The following PLIN1 variants were observed in gnomAD, a reference collection of about 807,000 sequenced individuals.
The protein encoded by PLIN1 is perilipin 1.
Under a neutral mutation model 45.8 loss-of-function variants are expected in PLIN1, and 37 were observed. That is an observed-to-expected ratio of 0.81 (90% CI 0.62 to 1.06). PLIN1 has a LOEUF of 1.06. Ranked by LOEUF, PLIN1 falls within the 50% of genes least tolerant of loss-of-function variation. The pLI, the probability that PLIN1 is intolerant of heterozygous loss-of-function variation, is 0.00. For synonymous variants in PLIN1, 340 were observed against 309.2 expected (o/e 1.10, Z -1.05); for missense variants, 776 against 716.5 (o/e 1.08, Z -0.95).
In PLIN1 at chr15:89,667,607, T is replaced by C. The variant is rs993085797; in HGVS notation, c.958A>G (p.Ser320Gly). Reference sequence around the variant, plus strand: ...GCTCCCACTCTCCCCCTCACCTCACTGAACTTGTTCTCCTCAGTCTCCAAT... The same window carrying C: ...GCTCCCACTCTCCCCCTCACCTCACCGAACTTGTTCTCCTCAGTCTCCAAT... ...EELETEENKF[S>G]EVAALPGPRG... The change falls in exon 7 of 9, where the codon AGT (serine) becomes GGT (glycine). Residue 320 changes from serine (S) to glycine (G), a missense_variant. Transcript: ENST00000300055. 2 of 1,614,036 alleles carry C rather than the reference T, an allele frequency of 1.2e-6. No homozygotes were observed. Among genetic ancestry groups the C allele is most frequent in the Admixed American group, 3.3e-5 (2 of 60,008 alleles).
At chr15:89,667,444 T>TC (rs1381351557) in intron 7 of PLIN1, among the ~76,000 whole-genome samples, 158 bp downstream of exon 7, 1 of 152,216 alleles carries the variant, frequency 6.6e-6, no homozygotes, top group Non-Finnish European at 1.5e-5. Flanking sequence ...GACATGGAAG[T>TC]CCCTCGCCAG....
At chr15:89,666,059 A>G in intron 8 of PLIN1, 117 bp from the exon 9 acceptor site, 1 of 750,794 alleles carries the variant, frequency 1.3e-6, no homozygotes, top group Non-Finnish European at 1.9e-6. Context: ...TCAGGAGGAC[A>G]CAGGCTGGGG....
At chr15:89,671,348 C>T (rs561384936) in intron 4 of PLIN1, 134 bp downstream of exon 4, 1 of 681,598 alleles carries the variant, frequency 1.5e-6, no homozygotes, top group Non-Finnish European at 2.6e-6. Flanking sequence ...AGCAGGCACT[C>T]TCCGCCAGCC....
chr15:89,667,942 A>C, intron 6 of PLIN1, 149 bp from the exon 7 acceptor site: 1 of 1,093,682 alleles, frequency 9.1e-7, no homozygotes, highest in Non-Finnish European at 1.2e-6. Context: ...CTTTTTATTG[A>C]GTTGGTAATC....
rs1046130826 is a variant in PLIN1, at chr15:89,670,250, G to A, written c.334-6C>T. On this transcript the variant is annotated splice_polypyrimidine_tract_variant and splice_region_variant and intron_variant, in intron 4 of 8. Coordinates refer to ENST00000300055, the MANE Select transcript of PLIN1 (RefSeq NM_002666.5). ...TCCTTCAGCTCAGAAGCAATCTGGG[G>A]GAAGTTGGTGGGGGTGTTAGGCATG... 3 of 1,608,924 alleles carry A rather than the reference G, an allele frequency of 1.9e-6. No homozygotes were observed. The highest frequency in any genetic ancestry group is 2.6e-6 in the Non-Finnish European group (3 of 1,176,436).
chr15:89,669,681 G>A lies in PLIN1; in HGVS notation c.599-9C>T. ...GTGTCCAGGAGCAGGGGCTGGGTAG[G>A]GATTTGGGGGGAAAGAAGAGAAAAC... is the stretch of plus-strand genomic sequence containing the variant. On this transcript the variant is annotated splice_polypyrimidine_tract_variant and intron_variant, in intron 5 of 8. Transcript: ENST00000300055. 6.2e-7 allele frequency: 1 copy of A among 1,613,456 alleles called. No individual in the cohort carries two copies. The highest frequency in any genetic ancestry group is 8.5e-7 in the Non-Finnish European group (1 of 1,179,720).
At chr15:89,671,612 G>T in intron 3 of PLIN1, 48 bp from the exon 4 acceptor site, 1 of 1,319,362 alleles carries the variant, frequency 7.6e-7, no homozygotes, top group Non-Finnish European at 1.1e-6. Context: ...CTCCCCATGA[G>T]AATCTAGCAG....
At position 89,669,529 on chromosome 15, in the gene PLIN1, C is replaced by T. The variant is rs1246272333; in HGVS notation, c.742G>A (p.Ala248Thr). 1 of 1,613,314 alleles carries T rather than the reference C, an allele frequency of 6.2e-7. No individual in the cohort carries two copies. The highest frequency in any genetic ancestry group is 1.3e-5 in the African/African-American group (1 of 74,922). Residue 248 changes from alanine to threonine, a missense_variant, in exon 6 of 9, where the codon GCC (alanine) becomes ACC (threonine). Transcript: ENST00000300055. The stretch of plus-strand genomic sequence containing the variant: ...GGCACCACGCCTGGGATCCACATGG[C>T]CACGGTGTGGCCCTGCTCCAGGGCC... ...ARALEQGHTV[A>T]MWIPGVVPLS...
intron 3 of PLIN1, among the ~76,000 whole-genome samples, 183 bp from the exon 4 acceptor site, chr15:89,671,747 CG>C (rs1379186591): frequency 1.3e-5 from 2 of 152,124 alleles, no homozygotes; most frequent in African/African-American, 4.8e-5. Flanking sequence ...CCTCAAGACC[CG>C]GGCCAGTTTC....
chr15:89,665,545 A>G lies in PLIN1; in HGVS notation c.*38T>C, dbSNP rs561239012. 54 of 1,518,988 alleles carry G rather than the reference A, an allele frequency of 3.6e-5. No homozygotes were observed. The highest frequency in any genetic ancestry group is 4.7e-5 in the Non-Finnish European group (53 of 1,135,582). The allele number at this position is 1,518,988 out of a possible 1,614,324, so 94.1% of individuals were successfully genotyped here. A position where few individuals can be genotyped will look rare whatever the true frequency, so the allele number is the denominator to read the frequency against. On this transcript the variant is annotated 3_prime_UTR_variant, in exon 9 of 9. Transcript: ENST00000300055. ...GCGGGTTCTGTTTATTTGTTAGAGA[A>G]ACCCGCCGGCCCGGGGCGCGGCGGC...
chr15:89,673,622 C>T (rs1964474335), intron 2 of PLIN1, among the ~76,000 whole-genome samples: 1 of 152,184 alleles, frequency 6.6e-6, no homozygotes, highest in Non-Finnish European at 1.5e-5. Flanking sequence ...GCCATGTCCT[C>T]CTGGTCACCA....
At chr15:89,678,165 T>C (rs1964547555) in intron 1 of PLIN1, among the ~76,000 whole-genome samples, 1 of 151,806 alleles carries the variant, frequency 6.6e-6, no homozygotes, top group African/African-American at 2.4e-5. Context: ...AGTGCTGTGA[T>C]TACAGGCAAG....
rs1964351738 is a variant in PLIN1 at position 89,666,953 on chromosome 15, C to G, written c.1192G>C (p.Val398Leu). 6.2e-7 allele frequency: 1 copy of G among 1,613,952 alleles called. No individual in the cohort carries two copies. Among genetic ancestry groups the G allele is most frequent in the East Asian group, 2.2e-5 (1 of 44,886 alleles). The stretch of plus-strand genomic sequence containing the variant: ...GTACTCACCGGCACGTAATGCACCA[C>G]TGTGTCCACCACGTTGTCAGTAACG... ...KGVTDNVVDT[V>L]VHYVPLPRLS... is the part of the protein sequence containing the mutation. The change falls in exon 8 of 9, where the codon GTG becomes CTG. Residue 398 changes from valine to leucine, a missense_variant. Transcript: ENST00000300055.
chr15:89,679,009 C>A (rs554185390), intron 1 of PLIN1, among the ~76,000 whole-genome samples: 1 of 152,052 alleles, frequency 6.6e-6, no homozygotes, highest in East Asian at 1.9e-4. Flanking sequence ...CAATGCAGGG[C>A]TAATTTTTTC....
rs1964314631 is a variant in PLIN1 at position 89,665,404 on chromosome 15, C to CTAAAAAAAAAA, written c.*168_*178dup. 1 of 446,580 alleles carries CTAAAAAAAAAA rather than the reference C, an allele frequency of 2.2e-6. No individual in the cohort carries two copies. Among genetic ancestry groups the CTAAAAAAAAAA allele is most frequent in the Non-Finnish European group, 3.7e-6 (1 of 268,906 alleles). 27.7% of individuals were successfully genotyped at this position (446,580 alleles called of 1,614,324 possible). Reference sequence around the variant, plus strand: ...CTGAGAGTGAAGCCCCAAAAGGATGCTAAAAAAAAAATAAAAATAAAATAA... The same window carrying CTAAAAAAAAAA: ...CTGAGAGTGAAGCCCCAAAAGGATGCTAAAAAAAAAATAAAAAAAAAATAAAAATAAAATAA... On this transcript the variant is annotated 3_prime_UTR_variant, in exon 9 of 9. Transcript: ENST00000300055.
intron 6 of PLIN1, among the ~76,000 whole-genome samples, chr15:89,668,377 A>G (rs1457158690): frequency 6.6e-6 from 1 of 152,144 alleles, no homozygotes; most frequent in East Asian, 1.9e-4. Flanking sequence ...TGCTGATCTG[A>G]GCATTTTTCA....
rs1385234379 is a variant in PLIN1, at chr15:89,665,821, T to G, written c.1331A>C (p.Glu444Ala). ...GGGCTGTGCGAGACGCGGGGCGGGC[T>G]CCGGGCCGGCGGACGGCGCCCCAGA... ...RASGAPSAGP[E>A]PAPRLAQPRR... is the part of the protein sequence containing the mutation. The change falls in exon 9 of 9, where the codon GAG becomes GCG. Residue 444 changes from glutamate to alanine, a missense_variant. Glu to Ala is a moderately radical substitution (Grantham distance 107, BLOSUM62 -1). Transcript: ENST00000300055. 1.4e-6 allele frequency: 2 copies of G among 1,400,594 alleles called. No homozygotes were observed. The highest frequency in any genetic ancestry group is 1.9e-6 in the Non-Finnish European group (2 of 1,075,268). The allele number at this position is 1,400,594 out of a possible 1,614,324, so 86.8% of individuals were successfully genotyped here. A position where few individuals can be genotyped will look rare whatever the true frequency, so the allele number is the denominator to read the frequency against.
Position 89,666,988 on chromosome 15 carries a change from G to A in PLIN1, c.1157C>T (p.Ala386Val), listed in dbSNP as rs8179072. 103 of 1,614,058 alleles carry A rather than the reference G, an allele frequency of 6.4e-5. No homozygotes were observed. The East Asian group carries it at 1.8e-3, about 29-fold the overall frequency. ...TKGRAMSLSD[A>V]LKGVTDNVVD... ...CACGTTGTCAGTAACGCCCTTCAGG[G>A]CATCTGATAGGGACATGGCCCTCCC... Residue 386 changes from alanine to valine, a missense_variant, in exon 8 of 9, where the codon GCC becomes GTC. Physicochemically the swap from Ala to Val is moderately conservative, Grantham distance 64. Coordinates refer to ENST00000300055, the MANE Select transcript of PLIN1 (RefSeq NM_002666.5).
chr15:89,668,506 A>C (rs894161), intron 6 of PLIN1, among the ~76,000 whole-genome samples: 146,365 of 152,208 alleles, frequency 0.96, 70,666 homozygotes, highest in Middle Eastern at 1. Context: ...ATCTTTTAAG[A>C]GTGAAAAATT....
Sources: gnomAD v4.1 joint callset for allele counts (sites outside exome capture counted in the v4.1 genomes callset) on GRCh38, gnomAD v4.1.1 for gene constraint, MANE v1.5 for transcripts, NCBI Gene and HGNC (gene_info 2026-07-23, HGNC 2026-07-21) for gene names.